GNB4: variants seen among roughly 807,000 people sequenced by gnomAD.
The protein encoded by GNB4 is guanine nucleotide-binding protein subunit beta-4.
A neutral mutation model predicts 45.2 loss-of-function variants in GNB4; 28 were observed. The ratio of observed to expected loss-of-function variants is 0.62; its 90% CI spans 0.46 to 0.85. The LOEUF is 0.85. Among genes scored for constraint, GNB4 ranks in the 40% least tolerant of loss-of-function variants. GNB4 has a pLI of 0.00. For synonymous variants in GNB4, 132 were observed against 143.7 expected (o/e 0.92, Z 0.58); for missense variants, 321 against 425.4 (o/e 0.75, Z 2.16).
the GNB4 span, among the ~76,000 whole-genome samples, chr3:179,517,575 C>G: frequency 6.6e-6 from 1 of 152,154 alleles, no homozygotes; most frequent in African/African-American, 2.4e-5. Context: ...CCACCTATGA[C>G]CTCTGGTCCT....
At chr3:179,485,223 A>G in the GNB4 span, among the ~76,000 whole-genome samples, 1 of 152,036 alleles carries the variant, frequency 6.6e-6, no homozygotes, top group Non-Finnish European at 1.5e-5. Flanking sequence ...CGTGTTAGCC[A>G]GGATGGTCTC....
Position 179,400,382 on chromosome 3 carries a change from T to C in GNB4, c.*831A>G. 1 of 152,222 alleles carries C rather than the reference T, an allele frequency of 6.6e-6. No homozygotes were observed. Among genetic ancestry groups the C allele is most frequent in the Non-Finnish European group, 1.5e-5 (1 of 68,044 alleles). 9.4% of individuals were successfully genotyped at this position (152,222 alleles called of 1,614,324 possible). On this transcript the variant is annotated 3_prime_UTR_variant, in exon 10 of 10. Coordinates refer to ENST00000232564, the MANE Select transcript of GNB4 (RefSeq NM_021629.4). ...TTACCAAACTTCTGAAAGATGAGTATACGCTACAAACTTAGTTCCAAATAT... is the reference window on the plus strand; with the variant it reads ...TTACCAAACTTCTGAAAGATGAGTACACGCTACAAACTTAGTTCCAAATAT...
intron 1 of GNB4, among the ~76,000 whole-genome samples, chr3:179,447,069 A>C (rs892421338): frequency 6.6e-6 from 1 of 152,176 alleles, no homozygotes; most frequent in Non-Finnish European, 1.5e-5. Flanking sequence ...CAAGAAAAAA[A>C]CTGCAAGAAC....
At chr3:179,428,831 TC>T (rs1560219330) in intron 1 of GNB4, among the ~76,000 whole-genome samples, 1 of 151,916 alleles carries the variant, frequency 6.6e-6, no homozygotes, top group African/African-American at 2.4e-5. Flanking sequence ...CTGCTGTCCT[TC>T]CCCCAAAGCC....
chr3:179,522,930 G>C, the GNB4 span, among the ~76,000 whole-genome samples: 1 of 152,192 alleles, frequency 6.6e-6, no homozygotes, highest in Non-Finnish European at 1.5e-5. Context: ...GTAATGAAAA[G>C]GGTTGGGATG....
chr3:179,509,758 G>A, the GNB4 span, among the ~76,000 whole-genome samples: 2 of 151,272 alleles, frequency 1.3e-5, no homozygotes, highest in Non-Finnish European at 2.9e-5. Flanking sequence ...ATCTGTCCCT[G>A]CAGATGTGTT....
At chr3:179,507,238 T>C in the GNB4 span, among the ~76,000 whole-genome samples, 3 of 152,232 alleles carry the variant, frequency 2.0e-5, no homozygotes, top group Admixed American at 6.5e-5. Flanking sequence ...TCTGCTTTTT[T>C]CTTCCTTCAG....
At chr3:179,434,500 C>T (rs1715392307) in intron 1 of GNB4, among the ~76,000 whole-genome samples, 1 of 152,060 alleles carries the variant, frequency 6.6e-6, no homozygotes, top group Admixed American at 6.6e-5. Context: ...GTGGGAAGAT[C>T]ACTTGAGGCC....
chr3:179,506,507 A>AT, the GNB4 span, among the ~76,000 whole-genome samples: 1 of 152,190 alleles, frequency 6.6e-6, no homozygotes, highest in Non-Finnish European at 1.5e-5. Flanking sequence ...GGGAGGAGAA[A>AT]TACACATAAA....
chr3:179,473,651 T>C, the GNB4 span, among the ~76,000 whole-genome samples: 3 of 152,140 alleles, frequency 2.0e-5, no homozygotes, highest in South Asian at 2.1e-4. Flanking sequence ...GTGGTGTCAA[T>C]TCTAAAGGCA....
the GNB4 span, chr3:179,465,315 C>G: frequency 7.0e-7 from 1 of 1,418,504 alleles, no homozygotes; most frequent in Non-Finnish European, 9.9e-7. Flanking sequence ...ATGAAGAATA[C>G]CATTATGGCC....
chr3:179,500,114 T>C, the GNB4 span, among the ~76,000 whole-genome samples: 1 of 152,252 alleles, frequency 6.6e-6, no homozygotes, highest in African/African-American at 2.4e-5. Context: ...ATTTTGGCTT[T>C]TGTTGCCATT....
At chr3:179,443,586 C>T (rs1221164867) in intron 1 of GNB4, among the ~76,000 whole-genome samples, 1 of 152,118 alleles carries the variant, frequency 6.6e-6, no homozygotes. Context: ...AAATAGAATA[C>T]AGCATCCAGT....
the GNB4 span, among the ~76,000 whole-genome samples, chr3:179,471,860 T>C: frequency 6.6e-6 from 1 of 152,328 alleles, no homozygotes; most frequent in East Asian, 1.9e-4. Context: ...ATTTGGTTAG[T>C]ACACCCTTTC....
the GNB4 span, among the ~76,000 whole-genome samples, chr3:179,460,177 C>T: frequency 1.2e-4 from 19 of 152,182 alleles, no homozygotes; most frequent in African/African-American, 4.1e-4. Flanking sequence ...ATTTGCACTG[C>T]TCCATCTTAC....
intron 1 of GNB4, among the ~76,000 whole-genome samples, chr3:179,435,452 C>T (rs1168319112): frequency 1.4e-5 from 2 of 143,978 alleles, no homozygotes; most frequent in Non-Finnish European, 3.0e-5. Flanking sequence ...GAGATACACA[C>T]ACCATTCCTT....
At chr3:179,486,545 C>A in the GNB4 span, among the ~76,000 whole-genome samples, 1 of 152,112 alleles carries the variant, frequency 6.6e-6, no homozygotes, top group Non-Finnish European at 1.5e-5. Flanking sequence ...ACAAGAATAT[C>A]CCTGACATCT....
chr3:179,470,514 GA>G, the GNB4 span, among the ~76,000 whole-genome samples: 6 of 145,814 alleles, frequency 4.1e-5, no homozygotes, highest in African/African-American at 5.0e-5. Context: ...TATAGAGAAA[GA>G]AAAAAATATA....
intron 1 of GNB4, among the ~76,000 whole-genome samples, chr3:179,436,771 A>T (rs529208344): frequency 1.3e-5 from 2 of 152,322 alleles, no homozygotes; most frequent in African/African-American, 4.8e-5. Flanking sequence ...ATTGTAGCAT[A>T]CGGCATTAAC....
Sources: gnomAD v4.1 joint callset for allele counts (sites outside exome capture counted in the v4.1 genomes callset) on GRCh38, gnomAD v4.1.1 for gene constraint, MANE v1.5 for transcripts, NCBI Gene and HGNC (gene_info 2026-07-23, HGNC 2026-07-21) for gene names.